Variants in DLGAP2 observed in about 807,000 individuals in gnomAD.
The protein encoded by DLGAP2 is DLG associated protein 2, also known as disks large-associated protein 2.
Under a neutral mutation model 100.3 loss-of-function variants are expected in DLGAP2, and 26 were observed. That is an observed-to-expected ratio of 0.26 (90% CI 0.19 to 0.36). The LOEUF (loss-of-function observed/expected upper bound fraction) is 0.36, where lower values mean the gene tolerates loss of function less well. Ranked by LOEUF, DLGAP2 falls within the 10% of genes least tolerant of loss-of-function variation. The pLI is 1.00. For synonymous variants in DLGAP2, 886 were observed against 630.1 expected (o/e 1.41, Z -6.08); for missense variants, 1,858 against 1,453.2 (o/e 1.28, Z -4.53).
chr8:984,349 G>T (rs1681296081), intron 2 of DLGAP2, among the ~76,000 whole-genome samples: 1 of 152,048 alleles, frequency 6.6e-6, no homozygotes, highest in Admixed American at 6.6e-5. Context: ...TTTCATTTTT[G>T]CTCAGTCCAT....
intron 1 of DLGAP2, among the ~76,000 whole-genome samples, chr8:890,014 C>CGT (rs1798002275): frequency 6.6e-6 from 1 of 151,954 alleles, no homozygotes; most frequent in Non-Finnish European, 1.5e-5. Context: ...TCCCCTTCCC[C>CGT]GTGTGTTTCT....
intron 12 of DLGAP2, chr8:1,679,005 C>CA (rs1197244575): frequency 6.9e-5 from 13 of 188,384 alleles, no homozygotes; most frequent in Middle Eastern, 2.0e-3. Flanking sequence ...TCATGCTTTA[C>CA]AAGAAAATGC....
At chr8:1,486,455 G>A (rs1334993183) in intron 3 of DLGAP2, among the ~76,000 whole-genome samples, 2 of 152,204 alleles carry the variant, frequency 1.3e-5, no homozygotes, top group African/African-American at 4.8e-5. Flanking sequence ...TGCGAAGCCT[G>A]TCATGTTCCA....
intron 3 of DLGAP2, among the ~76,000 whole-genome samples, chr8:1,358,727 C>T (rs568993025): frequency 1.3e-5 from 2 of 151,368 alleles, no homozygotes; most frequent in East Asian, 3.9e-4. Flanking sequence ...TGGAACCATG[C>T]TGCGCAGACA....
intron 2 of DLGAP2, among the ~76,000 whole-genome samples, chr8:1,111,383 T>A (rs1267520060): frequency 6.6e-6 from 1 of 152,006 alleles, no homozygotes; most frequent in Non-Finnish European, 1.5e-5. Context: ...ACCTTGGGCG[T>A]GTTTCTTTTT....
chr8:1,064,086 A>G (rs373413270), intron 2 of DLGAP2, among the ~76,000 whole-genome samples: 3 of 152,318 alleles, frequency 2.0e-5, no homozygotes, highest in East Asian at 1.9e-4. Context: ...TTCACTGGGA[A>G]CAACTGCAGC....
At chr8:1,689,565 A>T (rs1799203467) in intron 12 of DLGAP2, among the ~76,000 whole-genome samples, 1 of 152,198 alleles carries the variant, frequency 6.6e-6, no homozygotes, top group African/African-American at 2.4e-5. Flanking sequence ...TGGGCTAGTT[A>T]AACCGCAGCA....
intron 11 of DLGAP2, 118 bp from the exon 12 acceptor site, chr8:1,678,096 C>A: frequency 8.7e-7 from 1 of 1,155,496 alleles, no homozygotes; most frequent in East Asian, 2.4e-5. Context: ...ACACTACCTG[C>A]CCTTGAGCCG....
chr8:1,259,554 T>A (rs896896649), intron 3 of DLGAP2: 1 of 152,230 alleles, frequency 6.6e-6, no homozygotes, highest in Non-Finnish European at 1.5e-5. Flanking sequence ...AGGTCTGCTT[T>A]CAGCAGCAAG....
chr8:940,333 ACAGAG>A (rs1799166385), intron 2 of DLGAP2, among the ~76,000 whole-genome samples: 1 of 151,992 alleles, frequency 6.6e-6, no homozygotes, highest in Non-Finnish European at 1.5e-5. Flanking sequence ...TGTGAGGTTG[ACAGAG>A]CCAGGCACAG....
chr8:1,052,268 C>G (rs1432555438), intron 2 of DLGAP2, among the ~76,000 whole-genome samples: 1 of 152,226 alleles, frequency 6.6e-6, no homozygotes, highest in African/African-American at 2.4e-5. Flanking sequence ...CCTCATTCAG[C>G]TGTTTCTTCC....
chr8:1,428,599 T>C (rs536985656), intron 3 of DLGAP2, among the ~76,000 whole-genome samples: 1 of 152,320 alleles, frequency 6.6e-6, no homozygotes, highest in African/African-American at 2.4e-5. Flanking sequence ...AATAAGACAT[T>C]AGACATTTAC....
At chr8:1,305,487 C>T (rs1006515393) in intron 3 of DLGAP2, among the ~76,000 whole-genome samples, 1 of 152,172 alleles carries the variant, frequency 6.6e-6, no homozygotes, top group Non-Finnish European at 1.5e-5. Context: ...TTTATTCATA[C>T]ATTTGTGTGT....
At chr8:1,365,786 T>C (rs1802095133) in intron 3 of DLGAP2, among the ~76,000 whole-genome samples, 1 of 152,166 alleles carries the variant, frequency 6.6e-6, no homozygotes, top group Non-Finnish European at 1.5e-5. Context: ...AGAAGGCACG[T>C]GGGGGACCAG....
chr8:1,548,311 T>C lies in DLGAP2; in HGVS notation c.173-315T>C, dbSNP rs181694845. ...CTCGTCTCTACTAAAAATACAAAAT[T>C]AGCCGGGCGTGGTGGCAGGCGCCTG... On this transcript the variant is annotated intron_variant, in intron 4 of 14. Transcript: ENST00000637795. Among the ~76,000 whole-genome samples the C allele has an allele frequency of 9.1e-4, 137 of 151,182 alleles. 2 individuals are homozygous for C. The highest frequency in any genetic ancestry group is 3.2e-3 in the African/African-American group (132 of 41,232).
intron 1 of DLGAP2, among the ~76,000 whole-genome samples, chr8:897,885 T>C (rs1798175190): frequency 6.6e-6 from 1 of 152,220 alleles, no homozygotes; most frequent in South Asian, 2.1e-4. Context: ...GGACCAGGCT[T>C]CCTCCCACAT....
chr8:829,445 C>G (rs1045180082), intron 1 of DLGAP2, among the ~76,000 whole-genome samples: 3 of 152,000 alleles, frequency 2.0e-5, no homozygotes, highest in Non-Finnish European at 4.4e-5. Context: ...TGATGAATAC[C>G]CATCGTGTTT....
intron 2 of DLGAP2, among the ~76,000 whole-genome samples, chr8:988,536 C>A (rs1314625699): frequency 6.6e-6 from 1 of 152,218 alleles, no homozygotes; most frequent in African/African-American, 2.4e-5. Context: ...ACCCTCCCGG[C>A]TCGGCCTCTG....
Position 1,445,078 on chromosome 8 carries a change from C to CT in DLGAP2, c.107-56273dup, listed in dbSNP as rs11310548. 1.9e-3 allele frequency among the ~76,000 whole-genome samples: 269 copies of CT among 141,390 alleles called. 2 individuals carry two copies. Among genetic ancestry groups the CT allele is most frequent in the African/African-American group, 6.5e-3 (248 of 38,186 alleles). 92.8% of individuals were successfully genotyped at this position (141,390 alleles called of 152,430 possible). ...AGCCACCGCGCCCAGCCAGATCATT[C>CT]TTTTTTTTTTTTTTTAATTATTATT... On this transcript the variant is annotated intron_variant, in intron 3 of 14. Coordinates refer to ENST00000637795, the MANE Select transcript of DLGAP2 (RefSeq NM_001346810.2).
Sources: allele counts gnomAD v4.1 joint callset (sites outside exome capture counted in the v4.1 genomes callset), GRCh38; gene constraint gnomAD v4.1.1; transcripts MANE v1.5; gene names NCBI Gene and HGNC (gene_info 2026-07-23, HGNC 2026-07-21).